Variants in ENPP6 observed in about 807,000 individuals in gnomAD.
The protein encoded by ENPP6 is ectonucleotide pyrophosphatase/phosphodiesterase 6.
In ENPP6, 32 loss-of-function variants were observed where a neutral mutation model predicts 42.0. The observed-to-expected ratio is 0.76, with a 90% CI of 0.58 to 1.02. The LOEUF (loss-of-function observed/expected upper bound fraction) is 1.02. ENPP6 is among the 50% of genes least tolerant of loss of function. The pLI is 0.00. For missense variants in ENPP6, 552 were observed against 566.8 expected (o/e 0.97, Z 0.27); for synonymous variants, 213 against 216.0 (o/e 0.99, Z 0.12).
intron 1 of ENPP6, among the ~76,000 whole-genome samples, chr4:184,177,781 G>A (rs1038788522): frequency 6.6e-6 from 1 of 151,918 alleles, no homozygotes; most frequent in African/African-American, 2.4e-5. Context: ...CTACAGAAGA[G>A]GGGCCTGACT....
At chr4:184,206,282 G>A (rs1439132029) in intron 1 of ENPP6, among the ~76,000 whole-genome samples, 5 of 108,366 alleles carry the variant, frequency 4.6e-5, no homozygotes, top group Non-Finnish European at 8.9e-5. Context: ...TTTTGAGACG[G>A]AGTCTCGCTC....
At chr4:184,196,094 C>T (rs1371552284) in intron 1 of ENPP6, among the ~76,000 whole-genome samples, 1 of 152,248 alleles carries the variant, frequency 6.6e-6, no homozygotes, top group Non-Finnish European at 1.5e-5. Context: ...AAGCCCAGCT[C>T]TGGTCTTCAA....
At position 184,157,674 on chromosome 4, in the gene ENPP6, G is replaced by T. The variant is rs181499441; in HGVS notation, c.242-3941C>A. 2.5e-4 allele frequency among the ~76,000 whole-genome samples: 38 copies of T among 150,654 alleles called. 2 individuals carry two copies. The highest frequency in any genetic ancestry group is 2.4e-3 in the Admixed American group (36 of 15,060). ...GTCACCCAGGCTGGAGTGCAGTGGG[G>T]CAATCATTGCTCACTGCAACCTTGA... On this transcript the variant is annotated intron_variant, in intron 1 of 7. Coordinates refer to ENST00000296741, the MANE Select transcript of ENPP6 (RefSeq NM_153343.4).
chr4:184,113,689 C>T (rs1736251429), intron 5 of ENPP6, among the ~76,000 whole-genome samples: 1 of 152,208 alleles, frequency 6.6e-6, no homozygotes, highest in African/African-American at 2.4e-5. Flanking sequence ...ATCCTGCCTG[C>T]ATGTGAATCT....
chr4:184,094,119 A>C (rs867622414), intron 7 of ENPP6, among the ~76,000 whole-genome samples: 1 of 152,166 alleles, frequency 6.6e-6, no homozygotes, highest in Non-Finnish European at 1.5e-5. Flanking sequence ...CAACTCTGCA[A>C]AAATAAAAAA....
rs1491154845 is a variant in ENPP6 at position 184,131,140 on chromosome 4, A to ACTTACTTTCTTT, written c.422-6869_422-6868insAAAGAAAGTAAG. 1.3e-3 allele frequency among the ~76,000 whole-genome samples: 163 copies of ACTTACTTTCTTT among 121,698 alleles called. 1 individual carries two copies. The East Asian group carries it at 0.02, about 15-fold the overall frequency. 79.8% of individuals were successfully genotyped at this position (121,698 alleles called of 152,430 possible). On this transcript the variant is annotated intron_variant, in intron 2 of 7. Transcript: ENST00000296741. ...TTTCAACTTGCTTCCACCAGCACTT[A>ACTTACTTTCTTT]CTTTCTTTCTTTCTTTCTTTCTTTC...
At chr4:184,154,773 A>G (rs906435390) in intron 1 of ENPP6, among the ~76,000 whole-genome samples, 51 of 152,376 alleles carry the variant, frequency 3.3e-4, no homozygotes, top group African/African-American at 1.2e-3. Context: ...GTTTTCACCC[A>G]AAGCTGTAGA....
rs559794946 is a variant in ENPP6, at chr4:184,112,896, G to A, written c.856-87C>T. The A allele has an allele frequency of 2.1e-4, 283 of 1,349,566 alleles. No individual in the cohort carries two copies. The African/African-American group carries it at 3.1e-3, about 15-fold the overall frequency. The allele number at this position is 1,349,566 out of a possible 1,614,324, so 83.6% of individuals were successfully genotyped here. A position where few individuals can be genotyped will look rare whatever the true frequency, so the allele number is the denominator to read the frequency against. ...GGAGCTAGGGGAGAGGAGAACTTAC[G>A]TATAAGACCAAAGAAAGAAATTGCC... On this transcript the variant is annotated intron_variant, in intron 5 of 7. Transcript: ENST00000296741.
Position 184,142,967 on chromosome 4 carries a change from C to T in ENPP6, c.421+10587G>A, listed in dbSNP as rs182787982. On this transcript the variant is annotated intron_variant, in intron 2 of 7. Transcript: ENST00000296741. ...GCCCCTACAGGCCACTTGACATAAG[C>T]GATCCACAGGGTCTTTGTGTCTGAG... 6.3e-4 allele frequency among the ~76,000 whole-genome samples: 96 copies of T among 152,288 alleles called. 1 individual carries two copies. The highest frequency in any genetic ancestry group is 2.2e-3 in the African/African-American group (92 of 41,560).
chr4:184,094,758 C>T (rs958432612), intron 7 of ENPP6, among the ~76,000 whole-genome samples: 1 of 152,386 alleles, frequency 6.6e-6, no homozygotes, highest in Admixed American at 6.5e-5. Flanking sequence ...AGCTCGCAGG[C>T]AGCTCACTGA....
At chr4:184,144,828 C>T (rs1053766887) in intron 2 of ENPP6, among the ~76,000 whole-genome samples, 48 of 152,250 alleles carry the variant, frequency 3.2e-4, no homozygotes, top group African/African-American at 1.2e-3. Context: ...GCAACAAGGT[C>T]TTCTTCACTG....
chr4:184,104,417 C>T lies in ENPP6; in HGVS notation c.994-7049G>A, dbSNP rs149105375. On this transcript the variant is annotated intron_variant, in intron 6 of 7. Coordinates refer to ENST00000296741, the MANE Select transcript of ENPP6 (RefSeq NM_153343.4). The stretch of plus-strand genomic sequence containing the variant: ...CTCTCAAGTCAGGCAGGGGTCCAGA[C>T]CATGTTCTACGATCTTTCACCTAGC... 4.7e-3 allele frequency among the ~76,000 whole-genome samples: 719 copies of T among 152,326 alleles called. 5 individuals are homozygous for T. The highest frequency in any genetic ancestry group is 9.9e-3 in the Admixed American group (152 of 15,302).
intron 6 of ENPP6, among the ~76,000 whole-genome samples, chr4:184,101,400 C>T (rs532954526): frequency 1.9e-4 from 28 of 150,360 alleles, no homozygotes; most frequent in Non-Finnish European, 2.7e-4. Flanking sequence ...GAGGAGTCCA[C>T]ACAGGGAGTC....
At chr4:184,140,087 T>C (rs1736795467) in intron 2 of ENPP6, among the ~76,000 whole-genome samples, 1 of 150,886 alleles carries the variant, frequency 6.6e-6, no homozygotes, top group Non-Finnish European at 1.5e-5. Context: ...GTGGTTTTGA[T>C]TTGCATTTCT....
chr4:184,092,876 T>C (rs1007896480), intron 7 of ENPP6, among the ~76,000 whole-genome samples: 2 of 152,344 alleles, frequency 1.3e-5, no homozygotes, highest in South Asian at 4.1e-4. Flanking sequence ...CTAAATACTT[T>C]AGTTAAAAAG....
intron 1 of ENPP6, among the ~76,000 whole-genome samples, chr4:184,182,802 A>C (rs984563658): frequency 6.6e-6 from 1 of 152,220 alleles, no homozygotes; most frequent in Non-Finnish European, 1.5e-5. Flanking sequence ...GTGGGAGCTG[A>C]ACAATGACAA....
intron 1 of ENPP6, among the ~76,000 whole-genome samples, chr4:184,176,034 C>G (rs1037047970): frequency 6.6e-6 from 1 of 152,120 alleles, no homozygotes; most frequent in African/African-American, 2.4e-5. Flanking sequence ...AGCAATCCTC[C>G]TGCCTCAGCC....
At chr4:184,203,122 G>A (rs1013847668) in intron 1 of ENPP6, among the ~76,000 whole-genome samples, 4 of 151,946 alleles carry the variant, frequency 2.6e-5, no homozygotes, top group African/African-American at 9.7e-5. Flanking sequence ...GTGGGGGCAG[G>A]TGCCTGTAAT....
chr4:184,183,754 T>C (rs1579653892), intron 1 of ENPP6, among the ~76,000 whole-genome samples: 1 of 152,220 alleles, frequency 6.6e-6, no homozygotes, highest in African/African-American at 2.4e-5. Context: ...TCTCAACCAA[T>C]GTGTTCTGCT....
Sources: gnomAD v4.1 joint callset for allele counts (sites outside exome capture counted in the v4.1 genomes callset) on GRCh38, gnomAD v4.1.1 for gene constraint, MANE v1.5 for transcripts, NCBI Gene and HGNC (gene_info 2026-07-23, HGNC 2026-07-21) for gene names.